The following COL4A2 variants were observed in gnomAD, a reference collection of about 807,000 sequenced individuals.
The protein encoded by COL4A2 is collagen alpha-2(IV) chain.
In COL4A2, 99 loss-of-function variants were observed where a neutral mutation model predicts 200.2. That is an observed-to-expected ratio of 0.49 (90% CI 0.42 to 0.58). COL4A2 has a LOEUF of 0.58. Ranked by LOEUF, COL4A2 falls within the 20% of genes least tolerant of loss-of-function variation. The probability of loss-of-function intolerance (pLI) is 0.00; values close to 1 mark genes in which losing one functional copy is unlikely to be tolerated. For synonymous variants in COL4A2, 897 were observed against 900.6 expected, an observed-to-expected ratio of 1.00 and a Z score of 0.07; for missense variants, 1,950 against 2,314.1, an observed-to-expected ratio of 0.84 and a Z score of 3.23.
intron 31 of COL4A2, among the ~76,000 whole-genome samples, chr13:110,481,078 C>T (rs34344759): frequency 8.4e-4 from 38 of 45,228 alleles, no homozygotes; most frequent in South Asian, 3.8e-3. Context: ...TGTTCTGTCC[C>T]TCCGTTGCTG....
Position 110,509,270 on chromosome 13 carries a change from TACAC to T in COL4A2, c.4881+1073_4881+1076del, listed in dbSNP as rs60333796. Among the ~76,000 whole-genome samples, 863 of 115,438 alleles carry T rather than the reference TACAC, an allele frequency of 7.5e-3. 20 individuals carry two copies. The highest frequency in any genetic ancestry group is 0.024 in the African/African-American group (702 of 28,680). 75.7% of individuals were successfully genotyped at this position (115,438 alleles called of 152,430 possible). ...TTATATATATATATATATATATATATACACACACACACACACACACACACACAAC... is the reference window on the plus strand; with the variant it reads ...TTATATATATATATATATATATATATACACACACACACACACACACACAAC... On this transcript the variant is annotated intron_variant, in intron 47 of 47. Transcript: ENST00000360467.
At chr13:110,422,587 C>T (rs1233889341) in intron 4 of COL4A2, among the ~76,000 whole-genome samples, 1 of 152,206 alleles carries the variant, frequency 6.6e-6, no homozygotes, top group Admixed American at 6.5e-5. Context: ...CAGAGGAGAA[C>T]CCACTGTCTC....
At chr13:110,312,253 T>A (rs9588135) in intron 3 of COL4A2, among the ~76,000 whole-genome samples, 17,637 of 152,036 alleles carry the variant, frequency 0.12, 1,177 homozygotes, top group Middle Eastern at 0.16. Flanking sequence ...TAGCAGAGAT[T>A]TGTCAGCAGC....
At chr13:110,489,925 C>T (rs1285921732) in intron 36 of COL4A2, 140 bp downstream of exon 36, 3 of 803,652 alleles carry the variant, frequency 3.7e-6, no homozygotes, top group Admixed American at 2.8e-5. Context: ...GTCCAATGTG[C>T]AAGAAAGACC....
chr13:110,459,221 C>A (rs1380497035), intron 22 of COL4A2: 3 of 324,348 alleles, frequency 9.2e-6, no homozygotes, highest in Non-Finnish European at 1.7e-5. Context: ...CCTGGTGTAT[C>A]CCCAAGAGAC....
At chr13:110,461,920 G>T in intron 22 of COL4A2, 194 bp from the exon 23 acceptor site, 5 of 699,564 alleles carry the variant, frequency 7.1e-6, no homozygotes, top group Non-Finnish European at 1.2e-5. Context: ...CACAGCCACT[G>T]TGGCCAGTGG....
intron 11 of COL4A2, among the ~76,000 whole-genome samples, chr13:110,434,056 A>G (rs1358613214): frequency 6.6e-6 from 1 of 152,226 alleles, no homozygotes; most frequent in Admixed American, 6.5e-5. Flanking sequence ...CTTCAAATGC[A>G]GAGTCCAGGG....
chr13:110,502,799 G>A lies in COL4A2; in HGVS notation c.3878-322G>A, dbSNP rs534131770. The A allele has an allele frequency of 1.4e-4, 37 of 269,736 alleles. No homozygotes were observed. The South Asian group carries it at 1.8e-3, about 13-fold the overall frequency. The allele number at this position is 269,736 out of a possible 1,614,324, so 16.7% of individuals were successfully genotyped here. Reference sequence around the variant, plus strand: ...AGAAACAGAAAGTACAATGGCTGTTGCTGAGGGTTGGGGGGAGAGGGACAC... The same window carrying A: ...AGAAACAGAAAGTACAATGGCTGTTACTGAGGGTTGGGGGGAGAGGGACAC... On this transcript the variant is annotated intron_variant, in intron 41 of 47. Transcript: ENST00000360467.
intron 3 of COL4A2, among the ~76,000 whole-genome samples, chr13:110,335,227 A>C (rs917114220): frequency 3.3e-5 from 5 of 151,876 alleles, no homozygotes; most frequent in Non-Finnish European, 7.4e-5. Context: ...GCGACTCCTG[A>C]GTTCTCTTTG....
In COL4A2 at chr13:110,484,988, G is replaced by T; in HGVS notation, c.2986G>T (p.Glu996Ter). The T allele has an allele frequency of 6.2e-7, 1 of 1,612,626 alleles. No individual in the cohort carries two copies. The highest frequency in any genetic ancestry group is 8.5e-7 in the Non-Finnish European group (1 of 1,178,922). ...MKDIKGEKGD[E>*]GPMGLKGYLG... Reference sequence around the variant, plus strand: ...AGACATTAAAGGAGAGAAAGGAGATGAAGGGCCTATGGGGCTGAAAGGATA... The same window carrying T: ...AGACATTAAAGGAGAGAAAGGAGATTAAGGGCCTATGGGGCTGAAAGGATA... Residue 996 changes from glutamate to a stop codon, truncating the protein, a stop_gained, in exon 33 of 48, where the codon GAA becomes TAA. Coordinates refer to ENST00000360467, the MANE Select transcript of COL4A2 (RefSeq NM_001846.4). LOFTEE classifies it high-confidence loss of function.
intron 8 of COL4A2, 181 bp downstream of exon 8, chr13:110,430,137 A>G (rs1880621617): frequency 1.4e-6 from 1 of 732,080 alleles, no homozygotes; most frequent in Non-Finnish European, 2.0e-6. Flanking sequence ...CTTATTTTTA[A>G]TTGTGTGTTT....
At chr13:110,456,835 C>A (rs1286587813) in intron 20 of COL4A2, 1 of 456,700 alleles carries the variant, frequency 2.2e-6, no homozygotes, top group South Asian at 1.7e-5. Context: ...CGTGGAACCC[C>A]AGGCGTCCGT....
intron 18 of COL4A2, among the ~76,000 whole-genome samples, chr13:110,448,142 C>T (rs567770503): frequency 1.1e-4 from 16 of 152,236 alleles, no homozygotes; most frequent in South Asian, 4.2e-4. Context: ...AACCTGAGAC[C>T]CACTAAAAAG....
chr13:110,368,113 C>A (rs774022136), intron 4 of COL4A2, among the ~76,000 whole-genome samples: 1 of 152,142 alleles, frequency 6.6e-6, no homozygotes, highest in Non-Finnish European at 1.5e-5. Context: ...TCTAGAACAT[C>A]GACTAGTCTT....
intron 32 of COL4A2, among the ~76,000 whole-genome samples, chr13:110,483,858 G>C (rs1274564734): frequency 6.6e-6 from 1 of 152,232 alleles, no homozygotes; most frequent in Non-Finnish European, 1.5e-5. Context: ...TCACAGCTCT[G>C]TGAGTACACT....
At chr13:110,354,815 G>GC (rs1176438876) in intron 3 of COL4A2, among the ~76,000 whole-genome samples, 4 of 152,156 alleles carry the variant, frequency 2.6e-5, no homozygotes, top group Non-Finnish European at 5.9e-5. Context: ...GCCAACTCTT[G>GC]CCAGGAGGTT....
chr13:110,409,583 G>T (rs1879752385), intron 4 of COL4A2, among the ~76,000 whole-genome samples: 1 of 152,232 alleles, frequency 6.6e-6, no homozygotes, highest in Non-Finnish European at 1.5e-5. Flanking sequence ...AACAAGTGCT[G>T]TTGGGAAGAA....
intron 40 of COL4A2, among the ~76,000 whole-genome samples, chr13:110,498,064 C>T (rs1185190885): frequency 1.3e-5 from 2 of 152,258 alleles, no homozygotes; most frequent in African/African-American, 4.8e-5. Flanking sequence ...GTAGAGTTGA[C>T]CATGCCCGTG....
In COL4A2 at chr13:110,308,124, G is replaced by A; in HGVS notation, c.99+1G>A. The A allele has an allele frequency of 6.2e-7, 1 of 1,613,682 alleles. No homozygotes were observed. The highest frequency in any genetic ancestry group is 8.5e-7 in the Non-Finnish European group (1 of 1,180,030). On this transcript the variant is annotated splice_donor_variant, in intron 3 of 47. Transcript: ENST00000360467. LOFTEE classifies it high-confidence loss of function. ...GTTCCTCGCCCAGAGCGTCTTGGCG[G>A]TAAGTCCTGGCTCCCGCGCTTGGAC...
Sources: allele counts gnomAD v4.1 joint callset (sites outside exome capture counted in the v4.1 genomes callset), GRCh38; gene constraint gnomAD v4.1.1; transcripts MANE v1.5; gene names NCBI Gene and HGNC (gene_info 2026-07-23, HGNC 2026-07-21).